Variants in CSMD1 observed in about 807,000 individuals in gnomAD.
The protein encoded by CSMD1 is CUB and sushi domain-containing protein 1.
A neutral mutation model predicts 417.5 loss-of-function variants in CSMD1; 213 were observed. The observed-to-expected ratio is 0.51, with a 90% confidence interval of 0.46 to 0.57. The LOEUF is 0.57. Among genes scored for constraint, CSMD1 ranks in the 20% least tolerant of loss-of-function variants. The pLI, the probability that CSMD1 is intolerant of heterozygous loss-of-function variation, is 0.00. For missense variants in CSMD1, 6,923 were observed against 4,529.7 expected (o/e 1.53, Z -15.17); for synonymous variants, 2,862 against 1,736.8 (o/e 1.65, Z -16.11).
Position 3,258,939 on chromosome 8 carries a change from C to G in CSMD1, c.4153+25205G>C, listed in dbSNP as rs181958558. Among the ~76,000 whole-genome samples, 4 of 152,162 alleles carry G rather than the reference C, an allele frequency of 2.6e-5. No homozygotes were observed. In the East Asian group the frequency reaches 5.8e-4, roughly 22 times the overall value. On this transcript the variant is annotated intron_variant, in intron 26 of 69. Coordinates refer to ENST00000635120, the MANE Select transcript of CSMD1 (RefSeq NM_033225.6). ...GGGAACAATAGACACTGCGGTCTCC[C>G]GGATGGTGGAAAGTGAGAAAAGGGA... is the stretch of plus-strand genomic sequence containing the variant.
chr8:4,040,717 C>T (rs879400917), intron 3 of CSMD1, among the ~76,000 whole-genome samples: 2 of 152,122 alleles, frequency 1.3e-5, no homozygotes, highest in Non-Finnish European at 2.9e-5. Flanking sequence ...AAAAACACTG[C>T]AGGAGAGACT....
At chr8:3,468,655 C>G (rs1022110466) in intron 12 of CSMD1, 57 bp downstream of exon 12, 20 of 1,075,140 alleles carry the variant, frequency 1.9e-5, no homozygotes, top group Admixed American at 1.0e-4. Context: ...ACAGAATGCT[C>G]TCTGCCCTCT....
intron 5 of CSMD1, among the ~76,000 whole-genome samples, chr8:3,819,840 T>C (rs13280810): frequency 0.2 from 30,544 of 152,080 alleles, 3,477 homozygotes; most frequent in Middle Eastern, 0.28. Flanking sequence ...CCATCGCACC[T>C]GGCCTGAAAG....
chr8:4,058,629 AG>A (rs1381880719), intron 3 of CSMD1, among the ~76,000 whole-genome samples: 1 of 150,676 alleles, frequency 6.6e-6, no homozygotes, highest in Non-Finnish European at 1.5e-5. Flanking sequence ...AAAAAAAGGC[AG>A]GGGTTGCAAT....
chr8:3,926,106 C>CCAT (rs772372080), intron 5 of CSMD1, among the ~76,000 whole-genome samples: 6,122 of 50,836 alleles, frequency 0.12, 496 homozygotes, highest in East Asian at 0.23. Context: ...CACACACACA[C>CCAT]ACACACACAC....
intron 38 of CSMD1, among the ~76,000 whole-genome samples, chr8:3,161,838 G>C (rs1819917873): frequency 6.6e-6 from 1 of 152,154 alleles, no homozygotes; most frequent in South Asian, 2.1e-4. Context: ...TCAATTACTG[G>C]CTGCCAGGAG....
At chr8:4,787,586 G>T in intron 1 of CSMD1, 1 of 1,531,138 alleles carries the variant, frequency 6.5e-7, no homozygotes, top group Non-Finnish European at 9.0e-7. Flanking sequence ...ACCCCAGTGC[G>T]AAATGATTCC....
At chr8:3,873,814 A>G (rs1180566986) in intron 5 of CSMD1, among the ~76,000 whole-genome samples, 1 of 152,202 alleles carries the variant, frequency 6.6e-6, no homozygotes, top group Admixed American at 6.5e-5. Context: ...AGAAAAGCAC[A>G]CATGGTCACG....
intron 4 of CSMD1, among the ~76,000 whole-genome samples, chr8:4,002,095 T>C (rs184047486): frequency 2.6e-5 from 4 of 152,290 alleles, no homozygotes; most frequent in Non-Finnish European, 5.9e-5. Context: ...AATTGAATAT[T>C]ACACATATAA....
chr8:3,556,604 T>C (rs1173237357), intron 10 of CSMD1, among the ~76,000 whole-genome samples: 1 of 151,486 alleles, frequency 6.6e-6, no homozygotes, highest in African/African-American at 2.4e-5. Context: ...TCATTGCCTT[T>C]AGGGCTGGTA....
rs2117178156 is a variant in CSMD1, at chr8:3,275,031, C to G, written c.4153+9113G>C. Among the ~76,000 whole-genome samples the G allele has an allele frequency of 2.6e-5, 4 of 151,320 alleles. 1 individual carries two copies. Among genetic ancestry groups the G allele is most frequent in the Admixed American group, 2.6e-4 (4 of 15,140 alleles). On this transcript the variant is annotated intron_variant, in intron 26 of 69. Transcript: ENST00000635120. Reference sequence around the variant, plus strand: ...GCAGTTTCTTCCTAGCCTTGATGGTCTTTACAATTTGGCATGATTTTGCCG... The same window carrying G: ...GCAGTTTCTTCCTAGCCTTGATGGTGTTTACAATTTGGCATGATTTTGCCG...
chr8:4,214,522 C>T (rs1800516082), intron 3 of CSMD1, among the ~76,000 whole-genome samples: 1 of 152,098 alleles, frequency 6.6e-6, no homozygotes, highest in African/African-American at 2.4e-5. Context: ...GGTCTCAAAC[C>T]CCTGAGCTCA....
intron 1 of CSMD1, among the ~76,000 whole-genome samples, chr8:4,946,121 AATCGGGTTACAGGGAT>A (rs1808352563): frequency 6.6e-6 from 1 of 152,154 alleles, no homozygotes; most frequent in South Asian, 2.1e-4. Context: ...CTCTGAGTCC[AATCGGGTTACAGGGAT>A]AACTTCAAAA....
At chr8:3,532,920 T>C (rs1472779138) in intron 10 of CSMD1, among the ~76,000 whole-genome samples, 3 of 152,188 alleles carry the variant, frequency 2.0e-5, no homozygotes, top group Non-Finnish European at 4.4e-5. Flanking sequence ...ATATAAACCA[T>C]GACATAGCAC....
At chr8:4,107,976 G>C (rs1309546638) in intron 3 of CSMD1, among the ~76,000 whole-genome samples, 1 of 151,928 alleles carries the variant, frequency 6.6e-6, no homozygotes, top group Non-Finnish European at 1.5e-5. Context: ...GCATTGACCG[G>C]GGAGCTTAGA....
chr8:4,675,067 G>A (rs774191733), intron 1 of CSMD1, among the ~76,000 whole-genome samples: 13 of 152,178 alleles, frequency 8.5e-5, no homozygotes, highest in African/African-American at 2.7e-4. Context: ...CCAGAACTGC[G>A]AGGAATAAAT....
chr8:3,605,602 G>C (rs1050346135), intron 8 of CSMD1, among the ~76,000 whole-genome samples: 1 of 152,142 alleles, frequency 6.6e-6, no homozygotes, highest in Non-Finnish European at 1.5e-5. Flanking sequence ...ATGTACTTCA[G>C]TTTCTCCTTC....
chr8:4,583,255 G>A (rs756259161), intron 2 of CSMD1, among the ~76,000 whole-genome samples: 20 of 152,326 alleles, frequency 1.3e-4, no homozygotes, highest in Middle Eastern at 3.4e-3. Flanking sequence ...ACCTGCAGCC[G>A]TGGTGCGGGA....
intron 1 of CSMD1, among the ~76,000 whole-genome samples, chr8:4,745,080 T>C (rs946458487): frequency 3.9e-5 from 6 of 152,118 alleles, no homozygotes; most frequent in Non-Finnish European, 8.8e-5. Context: ...GTCAATAAAA[T>C]CTCGAGAAAT....
Sources: gnomAD v4.1 joint callset for allele counts (sites outside exome capture counted in the v4.1 genomes callset) on GRCh38, gnomAD v4.1.1 for gene constraint, MANE v1.5 for transcripts, NCBI Gene and HGNC (gene_info 2026-07-23, HGNC 2026-07-21) for gene names.